The following FGF14 variants were observed in gnomAD, a reference collection of about 807,000 sequenced individuals.
FGF14 encodes fibroblast growth factor homologous factor 4.
A neutral mutation model predicts 25.5 loss-of-function variants in FGF14; 5 were observed. The observed-to-expected ratio is 0.20, with a 90% CI of 0.10 to 0.41. The LOEUF (loss-of-function observed/expected upper bound fraction) is 0.41. Among genes scored for constraint, FGF14 ranks in the 10% least tolerant of loss-of-function variants. The pLI, the probability that FGF14 is intolerant of heterozygous loss-of-function variation, is 1.00. For missense variants in FGF14, 222 were observed against 320.1 expected (o/e 0.69, Z 2.34); for synonymous variants, 138 against 118.3 (o/e 1.17, Z -1.08).
At chr13:102,106,820 T>C (rs1035080342) in intron 1 of FGF14, among the ~76,000 whole-genome samples, 2 of 152,220 alleles carry the variant, frequency 1.3e-5, no homozygotes, top group African/African-American at 2.4e-5. Flanking sequence ...GGGAAATACA[T>C]TATGGCTTGT....
intron 1 of FGF14, among the ~76,000 whole-genome samples, chr13:101,940,297 T>A (rs1188487896): frequency 1.3e-5 from 2 of 152,178 alleles, no homozygotes; most frequent in African/African-American, 4.8e-5. Context: ...CACCTCTTCC[T>A]CTGGAAGTAT....
intron 1 of FGF14, among the ~76,000 whole-genome samples, chr13:101,998,452 T>C (rs2039306717): frequency 6.6e-6 from 1 of 152,208 alleles, no homozygotes; most frequent in South Asian, 2.1e-4. Flanking sequence ...TGGGGTGCTA[T>C]TAATTACAGT....
At chr13:102,344,935 C>A (rs7982217) in intron 1 of FGF14, among the ~76,000 whole-genome samples, 7 of 152,080 alleles carry the variant, frequency 4.6e-5, no homozygotes, top group Non-Finnish European at 7.4e-5. Context: ...TGGGAAACCA[C>A]GCTGTTGAAG....
In FGF14 at chr13:102,301,628, A is replaced by T. The variant is rs151020116; in HGVS notation, c.208+99843T>A. Among the ~76,000 whole-genome samples the T allele has an allele frequency of 3.6e-3, 546 of 152,070 alleles. 4 individuals carry two copies. In the Middle Eastern group the frequency reaches 0.054, roughly 15 times the overall value. ...TTTACCCATTCCCTCTTGAACTTGG[A>T]CTTACCAGTCAGGACTCACTCCACC... On this transcript the variant is annotated intron_variant, in intron 1 of 4. Transcript: ENST00000376131.
chr13:102,212,123 T>A (rs1194053722), intron 1 of FGF14, among the ~76,000 whole-genome samples: 1 of 152,196 alleles, frequency 6.6e-6, no homozygotes, highest in East Asian at 1.9e-4. Context: ...GTTCCACAAC[T>A]GGTCTGCCCA....
At chr13:101,813,352 T>C (rs1472265316) in intron 3 of FGF14, among the ~76,000 whole-genome samples, 1 of 152,162 alleles carries the variant, frequency 6.6e-6, no homozygotes, top group Non-Finnish European at 1.5e-5. Flanking sequence ...TGAGCCCTCA[T>C]GGATAGAAAT....
intron 1 of FGF14, among the ~76,000 whole-genome samples, chr13:101,929,761 A>G (rs942719235): frequency 6.6e-6 from 1 of 152,248 alleles, no homozygotes; most frequent in African/African-American, 2.4e-5. Flanking sequence ...ATATACATGC[A>G]CACATTCACA....
At chr13:102,087,032 C>G (rs916708411) in intron 1 of FGF14, among the ~76,000 whole-genome samples, 1 of 152,096 alleles carries the variant, frequency 6.6e-6, no homozygotes, top group African/African-American at 2.4e-5. Context: ...CATTTGAGGT[C>G]AAGAAACCAG....
At chr13:102,128,419 G>C (rs562734337) in intron 1 of FGF14, among the ~76,000 whole-genome samples, 1 of 152,196 alleles carries the variant, frequency 6.6e-6, no homozygotes, top group East Asian at 1.9e-4. Context: ...GGTCCCCGCG[G>C]TGTTACTGTT....
Position 101,916,403 on chromosome 13 carries a change from C to A in FGF14, c.193+50G>T, listed in dbSNP as rs745498299. 2.6e-5 allele frequency: 41 copies of A among 1,601,580 alleles called. No individual in the cohort carries two copies. The East Asian group carries it at 9.2e-4, about 36-fold the overall frequency. ...GGAGCCTGGAGAAGCTCCGTTTAGG[C>A]GGGGAGGGGGCGACCCGGGGCGCAT... On this transcript the variant is annotated intron_variant, in intron 1 of 4. Coordinates refer to ENST00000376143, the MANE Select transcript of FGF14 (RefSeq NM_004115.4).
chr13:101,797,491 G>A (rs2040595257), intron 3 of FGF14, among the ~76,000 whole-genome samples: 1 of 151,998 alleles, frequency 6.6e-6, no homozygotes, highest in South Asian at 2.1e-4. Context: ...TGGTAGGGTT[G>A]GGCATGAGGG....
rs568248419 is a variant in FGF14, at chr13:102,326,572, T to G, written c.208+74899A>C. On this transcript the variant is annotated intron_variant, in intron 1 of 4. Transcript: ENST00000376131. ...TGGCTATGAAATGGGGTTTGGGGGA[T>G]AGAAGAAACATGCACACAAGAAAAT... Among the ~76,000 whole-genome samples the G allele has an allele frequency of 2.8e-5, 4 of 143,086 alleles. No individual in the cohort carries two copies. In the East Asian group the frequency reaches 6.1e-4, roughly 22 times the overall value. The allele number at this position is 143,086 out of a possible 152,430, so 93.9% of individuals were successfully genotyped here. A position where few individuals can be genotyped will look rare whatever the true frequency, so the allele number is the denominator to read the frequency against.
intron 1 of FGF14, among the ~76,000 whole-genome samples, chr13:102,360,771 C>G (rs2057542438): frequency 6.6e-6 from 1 of 151,964 alleles, no homozygotes; most frequent in South Asian, 2.1e-4. Context: ...GGACTTTTAC[C>G]CTCAGTCAAA....
At chr13:102,237,809 C>T (rs1170862409) in intron 1 of FGF14, among the ~76,000 whole-genome samples, 2 of 152,164 alleles carry the variant, frequency 1.3e-5, no homozygotes, top group Admixed American at 6.5e-5. Context: ...AAATCTAAAA[C>T]ATCTTTTAAA....
At chr13:102,395,689 G>A (rs930401958) in intron 1 of FGF14, 5 of 152,186 alleles carry the variant, frequency 3.3e-5, no homozygotes, top group Admixed American at 3.3e-4. Context: ...TTTTATTAAA[G>A]TGTATTGAAA....
At chr13:102,132,989 A>T (rs143983731) in intron 1 of FGF14, among the ~76,000 whole-genome samples, 11 of 152,322 alleles carry the variant, frequency 7.2e-5, no homozygotes, top group East Asian at 1.9e-4. Flanking sequence ...AAACATAGCC[A>T]CCAGGGAGCT....
At chr13:102,241,650 A>AT (rs975035108) in intron 1 of FGF14, among the ~76,000 whole-genome samples, 8 of 152,012 alleles carry the variant, frequency 5.3e-5, no homozygotes, top group African/African-American at 1.9e-4. Flanking sequence ...AAGACAGTTT[A>AT]TTTTTTTCCA....
At chr13:102,352,232 T>C (rs987176311) in intron 1 of FGF14, among the ~76,000 whole-genome samples, 1 of 141,224 alleles carries the variant, frequency 7.1e-6, no homozygotes, top group Non-Finnish European at 1.5e-5. Context: ...CCACAATATC[T>C]GTACCTTTAT....
At chr13:101,767,304 A>T (rs1229959984) in intron 3 of FGF14, among the ~76,000 whole-genome samples, 1 of 152,186 alleles carries the variant, frequency 6.6e-6, no homozygotes, top group Non-Finnish European at 1.5e-5. Context: ...TACTGATGCC[A>T]GAGTGCCAGC....
Sources: allele counts gnomAD v4.1 joint callset (sites outside exome capture counted in the v4.1 genomes callset), GRCh38; gene constraint gnomAD v4.1.1; transcripts MANE v1.5; gene names NCBI Gene and HGNC (gene_info 2026-07-23, HGNC 2026-07-21).